The following CDH10 variants were observed in gnomAD, a reference collection of about 807,000 sequenced individuals.
The protein encoded by CDH10 is cadherin-10.
A neutral mutation model predicts 73.1 loss-of-function variants in CDH10; 30 were observed. That is an observed-to-expected ratio of 0.41 (90% CI 0.31 to 0.56). The LOEUF (loss-of-function observed/expected upper bound fraction) is 0.56. CDH10 is among the 20% of genes least tolerant of loss of function. The pLI, the probability that CDH10 is intolerant of heterozygous loss-of-function variation, is 0.27. For missense variants in CDH10, 815 were observed against 973.7 expected (o/e 0.84, Z 2.17); for synonymous variants, 345 against 348.2 (o/e 0.99, Z 0.10).
At chr5:24,618,602 G>A (rs1460855009) in intron 1 of CDH10, among the ~76,000 whole-genome samples, 4 of 152,128 alleles carry the variant, frequency 2.6e-5, no homozygotes, top group African/African-American at 9.7e-5. Context: ...TTTCAAACAA[G>A]TACTGGTTCT....
intron 1 of CDH10, among the ~76,000 whole-genome samples, chr5:24,635,286 T>G (rs1747831286): frequency 6.6e-6 from 1 of 151,958 alleles, no homozygotes; most frequent in Non-Finnish European, 1.5e-5. Context: ...ACCATTCTTT[T>G]TCTAATTCTC....
intron 7 of CDH10, 120 bp from the exon 8 acceptor site, chr5:24,505,368 C>T (rs1257061892): frequency 1.3e-6 from 1 of 779,554 alleles, no homozygotes; most frequent in African/African-American, 1.8e-5. Context: ...CAGTGCTGAT[C>T]TGGAATGTAG....
chr5:24,641,531 T>C (rs1038451759), intron 1 of CDH10, among the ~76,000 whole-genome samples: 13 of 152,084 alleles, frequency 8.5e-5, no homozygotes, highest in Non-Finnish European at 1.3e-4. Context: ...ACAATATATT[T>C]TTGTGAACTC....
chr5:24,617,854 C>T (rs760459670), intron 1 of CDH10, among the ~76,000 whole-genome samples: 32 of 152,286 alleles, frequency 2.1e-4, no homozygotes, highest in South Asian at 2.1e-3. Context: ...ATCAATATAA[C>T]CGTAAACCCA....
At position 24,558,695 on chromosome 5, in the gene CDH10, A is replaced by G. The variant is rs867757671; in HGVS notation, c.232-21021T>C. 2.6e-3 allele frequency among the ~76,000 whole-genome samples: 119 copies of G among 46,176 alleles called. 1 individual carries two copies. The highest frequency in any genetic ancestry group is 8.6e-3 in the African/African-American group (111 of 12,886). The allele number at this position is 46,176 out of a possible 152,430, so 30.3% of individuals were successfully genotyped here. On this transcript the variant is annotated intron_variant, in intron 2 of 11. Transcript: ENST00000264463. ...TATCTGCATATAAGTCAAAAGAGAA[A>G]ACGAAACAGAGAAACATTTTTAAAT... is the stretch of plus-strand genomic sequence containing the variant.
chr5:24,590,674 G>A (rs1746169351), intron 2 of CDH10, among the ~76,000 whole-genome samples: 1 of 151,854 alleles, frequency 6.6e-6, no homozygotes, highest in Admixed American at 6.6e-5. Context: ...TTCTTCCTAG[G>A]GTCTGGTTAG....
chr5:24,498,961 C>T lies in CDH10; in HGVS notation c.1394-442G>A, dbSNP rs116735799. Among the ~76,000 whole-genome samples, 805 of 151,794 alleles carry T rather than the reference C, an allele frequency of 5.3e-3. 4 individuals carry two copies. The highest frequency in any genetic ancestry group is 0.024 in the Middle Eastern group (7 of 294). On this transcript the variant is annotated intron_variant, in intron 8 of 11. Transcript: ENST00000264463. Reference sequence around the variant, plus strand: ...TTTTGAGCAGCAGCAAGATTTATTGCGAAGAGCAAAAGAACAAAGCTTCCA... The same window carrying T: ...TTTTGAGCAGCAGCAAGATTTATTGTGAAGAGCAAAAGAACAAAGCTTCCA...
intron 2 of CDH10, among the ~76,000 whole-genome samples, chr5:24,579,774 C>G (rs531453764): frequency 6.6e-6 from 1 of 152,070 alleles, no homozygotes; most frequent in Admixed American, 6.6e-5. Context: ...TCTCTCTCTA[C>G]CATACACATG....
chr5:24,501,955 G>C (rs975878338), intron 8 of CDH10, among the ~76,000 whole-genome samples: 1 of 150,732 alleles, frequency 6.6e-6, no homozygotes, highest in Non-Finnish European at 1.5e-5. Flanking sequence ...ATCTCACTCT[G>C]TCGCCCTGGC....
At chr5:24,555,752 AATCTG>A (rs1271981303) in intron 2 of CDH10, among the ~76,000 whole-genome samples, 4 of 152,144 alleles carry the variant, frequency 2.6e-5, no homozygotes, top group African/African-American at 9.7e-5. Context: ...AATATAAATT[AATCTG>A]AGTGAATTAG....
rs1198611957 is a variant in CDH10 at position 24,590,923 on chromosome 5, A to G, written c.231+2337T>C. Among the ~76,000 whole-genome samples the G allele has an allele frequency of 2.0e-5, 3 of 152,196 alleles. No individual in the cohort carries two copies. In the East Asian group the frequency reaches 5.8e-4, roughly 29 times the overall value. On this transcript the variant is annotated intron_variant, in intron 2 of 11. Transcript: ENST00000264463. ...CAGAGGCATTGAAACACTTATCACC[A>G]TATCACATGTCTACTTTAAAGGATG...
At chr5:24,536,229 T>C (rs1484010778) in intron 3 of CDH10, among the ~76,000 whole-genome samples, 1 of 152,042 alleles carries the variant, frequency 6.6e-6, no homozygotes, top group Non-Finnish European at 1.5e-5. Flanking sequence ...ATAATTAACA[T>C]CTGCTCTAGA....
intron 8 of CDH10, among the ~76,000 whole-genome samples, chr5:24,500,532 C>T (rs536635793): frequency 6.6e-6 from 1 of 152,320 alleles, no homozygotes; most frequent in Admixed American, 6.5e-5. Context: ...GCCCTGGGGT[C>T]TAACATAGCT....
At chr5:24,600,418 A>G (rs1659529963) in intron 1 of CDH10, among the ~76,000 whole-genome samples, 1 of 152,050 alleles carries the variant, frequency 6.6e-6, no homozygotes, top group Non-Finnish European at 1.5e-5. Flanking sequence ...TGGAGCCATG[A>G]ATTCTGTTGT....
intron 5 of CDH10, among the ~76,000 whole-genome samples, chr5:24,518,495 A>G (rs1001955370): frequency 1.8e-4 from 27 of 152,184 alleles, no homozygotes; most frequent in African/African-American, 6.3e-4. Context: ...ATGAGTGTAT[A>G]TATACATATG....
At chr5:24,631,998 T>G (rs1300294841) in intron 1 of CDH10, among the ~76,000 whole-genome samples, 2 of 152,038 alleles carry the variant, frequency 1.3e-5, no homozygotes, top group Non-Finnish European at 2.9e-5. Flanking sequence ...CTTAAGTTAG[T>G]GGAAAATGAA....
intron 1 of CDH10, among the ~76,000 whole-genome samples, chr5:24,631,906 T>C (rs1390502364): frequency 2.0e-5 from 3 of 152,056 alleles, no homozygotes; most frequent in Non-Finnish European, 4.4e-5. Context: ...ATTTTTTAAA[T>C]ACAGATAGAA....
intron 2 of CDH10, among the ~76,000 whole-genome samples, chr5:24,558,088 T>C (rs1161434048): frequency 1.3e-5 from 2 of 151,808 alleles, no homozygotes; most frequent in Non-Finnish European, 3.0e-5. Context: ...AGACAAAATA[T>C]ATTTTGAGAA....
intron 4 of CDH10, 104 bp downstream of exon 4, chr5:24,535,599 T>C: frequency 1.0e-6 from 1 of 995,766 alleles, no homozygotes; most frequent in Non-Finnish European, 1.5e-6. Context: ...CACTCATCTG[T>C]GAGTATTAAT....
Sources: gnomAD v4.1 joint callset for allele counts (sites outside exome capture counted in the v4.1 genomes callset) on GRCh38, gnomAD v4.1.1 for gene constraint, MANE v1.5 for transcripts, NCBI Gene and HGNC (gene_info 2026-07-23, HGNC 2026-07-21) for gene names.